Variants in PIK3C2G observed in about 807,000 individuals in gnomAD.
The protein encoded by PIK3C2G is phosphatidylinositol-4-phosphate 3-kinase catalytic subunit type 2 gamma, also known as phosphatidylinositol 3-kinase C2 domain-containing subunit gamma.
Under a neutral mutation model 181.1 loss-of-function variants are expected in PIK3C2G, and 168 were observed. That is an observed-to-expected ratio of 0.93 (90% CI 0.82 to 1.05). The LOEUF is 1.05. PIK3C2G is among the 50% of genes least tolerant of loss of function. PIK3C2G has a pLI of 0.00. For synonymous variants in PIK3C2G, 573 were observed against 592.2 expected, an observed-to-expected ratio of 0.97 and a Z score of 0.47; for missense variants, 1,869 against 1,732.8, an observed-to-expected ratio of 1.08 and a Z score of -1.40.
At chr12:18,699,243 G>A in the PIK3C2G span, among the ~76,000 whole-genome samples, 6 of 152,242 alleles carry the variant, frequency 3.9e-5, no homozygotes, top group East Asian at 3.9e-4. Context: ...TAGGCATAGA[G>A]CCTCCAAGTC....
intron 5 of PIK3C2G, among the ~76,000 whole-genome samples, chr12:18,310,880 A>G (rs1950608237): frequency 6.6e-6 from 1 of 152,032 alleles, no homozygotes; most frequent in Non-Finnish European, 1.5e-5. Context: ...AAAATGAATT[A>G]AAAGGAATTT....
intron 7 of PIK3C2G, among the ~76,000 whole-genome samples, chr12:18,324,141 A>AC (rs926853944): frequency 1.3e-5 from 2 of 150,130 alleles, no homozygotes; most frequent in African/African-American, 2.5e-5. Flanking sequence ...AATGACGTGA[A>AC]CCCCGGGGGG....
In PIK3C2G at chr12:18,470,809, T is replaced by C. The variant is rs568708481; in HGVS notation, c.2505-17640T>C. 3.9e-5 allele frequency among the ~76,000 whole-genome samples: 6 copies of C among 152,216 alleles called. No individual in the cohort carries two copies. In the South Asian group the frequency reaches 1.2e-3, roughly 32 times the overall value. On this transcript the variant is annotated intron_variant, in intron 18 of 32. Coordinates refer to ENST00000538779, the MANE Select transcript of PIK3C2G (RefSeq NM_001288772.2). ...CAATGTCAACAGAAGGGAGGAAAGA[T>C]GGAGATAGTTCACATCAACAGGAGA...
chr12:18,470,977 T>C (rs1000043252), intron 18 of PIK3C2G, among the ~76,000 whole-genome samples: 1 of 152,178 alleles, frequency 6.6e-6, no homozygotes, highest in Non-Finnish European at 1.5e-5. Context: ...ATTTTATATA[T>C]CCAAAGACAG....
At chr12:18,449,940 C>T (rs1274532184) in intron 18 of PIK3C2G, among the ~76,000 whole-genome samples, 1 of 152,146 alleles carries the variant, frequency 6.6e-6, no homozygotes, top group Admixed American at 6.5e-5. Flanking sequence ...TCCTCGACAG[C>T]ATCTGCTGTT....
chr12:18,635,696 G>A (rs755880592), intron 31 of PIK3C2G, among the ~76,000 whole-genome samples: 8 of 152,152 alleles, frequency 5.3e-5, no homozygotes, highest in Non-Finnish European at 7.3e-5. Flanking sequence ...TAGATCTACT[G>A]GATCATGTAA....
the PIK3C2G span, among the ~76,000 whole-genome samples, chr12:18,698,065 A>G: frequency 6.6e-6 from 1 of 151,892 alleles, no homozygotes. Flanking sequence ...CTCATGAACA[A>G]CATGAGGACC....
chr12:18,542,056 G>A (rs533849922), intron 25 of PIK3C2G, among the ~76,000 whole-genome samples: 2 of 151,892 alleles, frequency 1.3e-5, no homozygotes, highest in African/African-American at 4.8e-5. Flanking sequence ...AAGGGAACGA[G>A]TAAGTATAGG....
chr12:18,411,009 A>T (rs757984535), intron 16 of PIK3C2G, among the ~76,000 whole-genome samples: 1 of 152,162 alleles, frequency 6.6e-6, no homozygotes, highest in Non-Finnish European at 1.5e-5. Context: ...TCCATATACT[A>T]TCCATCAGGA....
intron 16 of PIK3C2G, among the ~76,000 whole-genome samples, chr12:18,402,845 T>C (rs913619313): frequency 1.3e-5 from 2 of 152,140 alleles, no homozygotes; most frequent in Admixed American, 1.3e-4. Context: ...TGTGTCCAGA[T>C]AAAATTTTTA....
At chr12:18,580,130 T>C (rs534144607) in intron 29 of PIK3C2G, among the ~76,000 whole-genome samples, 3 of 121,840 alleles carry the variant, frequency 2.5e-5, no homozygotes, top group Admixed American at 1.6e-4. Flanking sequence ...AGACTCTGTC[T>C]CAAAAAAAAA....
chr12:18,605,937 G>A (rs910761376), intron 30 of PIK3C2G, among the ~76,000 whole-genome samples: 2 of 152,104 alleles, frequency 1.3e-5, no homozygotes, highest in African/African-American at 4.8e-5. Context: ...GTTTCCTCAT[G>A]TGTAAAATGG....
the PIK3C2G span, among the ~76,000 whole-genome samples, chr12:18,703,644 A>T: frequency 6.6e-6 from 1 of 152,204 alleles, no homozygotes; most frequent in African/African-American, 2.4e-5. Context: ...TAGCCAATCA[A>T]ATCTTAAATC....
Position 18,261,529 on chromosome 12 carries a change from T to A in PIK3C2G, c.-127T>A, listed in dbSNP as rs1371543833. On this transcript the variant is annotated 5_prime_UTR_variant, in exon 1 of 33. It adds an upstream start codon to the 5' untranslated region. Coordinates refer to ENST00000538779, the MANE Select transcript of PIK3C2G (RefSeq NM_001288772.2). Reference sequence around the variant, plus strand: ...TAGCTTGTGTGAGCGTATTTGACTCTTGAAAAGAAATGAGATCGTGTTTCA... The same window carrying A: ...TAGCTTGTGTGAGCGTATTTGACTCATGAAAAGAAATGAGATCGTGTTTCA... 1 of 152,144 alleles carries A rather than the reference T, an allele frequency of 6.6e-6. No homozygotes were observed. The highest frequency in any genetic ancestry group is 1.5e-5 in the Non-Finnish European group (1 of 68,022). 9.4% of individuals were successfully genotyped at this position (152,144 alleles called of 1,614,324 possible).
intron 5 of PIK3C2G, among the ~76,000 whole-genome samples, chr12:18,311,038 CT>C (rs1183528308): frequency 6.6e-6 from 1 of 151,836 alleles, no homozygotes; most frequent in Admixed American, 6.6e-5. Flanking sequence ...TTTTTCTTAT[CT>C]CTTTTATTTT....
chr12:18,353,958 T>C (rs752620378), intron 11 of PIK3C2G, among the ~76,000 whole-genome samples: 9 of 152,214 alleles, frequency 5.9e-5, no homozygotes, highest in Non-Finnish European at 7.3e-5. Context: ...CATCTCATCA[T>C]TGAGATCCAT....
chr12:18,314,613 G>T (rs1950783451), intron 6 of PIK3C2G: 1 of 152,306 alleles, frequency 6.6e-6, no homozygotes, highest in South Asian at 2.1e-4. Flanking sequence ...AGAACGAAGA[G>T]AAATAAATGT....
chr12:18,356,258 C>G (rs540092099), intron 11 of PIK3C2G, among the ~76,000 whole-genome samples: 1 of 152,260 alleles, frequency 6.6e-6, no homozygotes, highest in South Asian at 2.1e-4. Context: ...CCTAGGCAAG[C>G]CCCCCGATGA....
intron 26 of PIK3C2G, among the ~76,000 whole-genome samples, chr12:18,555,175 A>C (rs1944938648): frequency 1.3e-5 from 2 of 152,170 alleles, no homozygotes; most frequent in African/African-American, 2.4e-5. Flanking sequence ...ATATATGAAC[A>C]ATTTAAACTG....
Sources: gnomAD v4.1 joint callset for allele counts (sites outside exome capture counted in the v4.1 genomes callset) on GRCh38, gnomAD v4.1.1 for gene constraint, MANE v1.5 for transcripts, NCBI Gene and HGNC (gene_info 2026-07-23, HGNC 2026-07-21) for gene names.